PHACTR1: variants seen among roughly 807,000 people sequenced by gnomAD.
PHACTR1 encodes phosphatase and actin regulator 1, also known as RPEL repeat containing 1.
A neutral mutation model predicts 69.2 loss-of-function variants in PHACTR1; 16 were observed. The ratio of observed to expected loss-of-function variants is 0.23; its 90% CI spans 0.16 to 0.35. The LOEUF is 0.35. Ranked by LOEUF, PHACTR1 falls within the 10% of genes least tolerant of loss-of-function variation. The pLI is 1.00. For synonymous variants in PHACTR1, 312 were observed against 284.5 expected, an observed-to-expected ratio of 1.10 and a Z score of -0.97; for missense variants, 510 against 734.7, an observed-to-expected ratio of 0.69 and a Z score of 3.54.
chr6:13,143,156 GGAA>G (rs1459113859), intron 5 of PHACTR1, among the ~76,000 whole-genome samples: 1 of 152,238 alleles, frequency 6.6e-6, no homozygotes, highest in East Asian at 1.9e-4. Context: ...AGAAAGGAAG[GGAA>G]GTGGAGATGG....
chr6:13,080,261 G>T (rs895350448), intron 5 of PHACTR1, among the ~76,000 whole-genome samples: 1 of 152,040 alleles, frequency 6.6e-6, no homozygotes, highest in Admixed American at 6.6e-5. Flanking sequence ...CTTTAAAAAA[G>T]TTATTTCAAG....
intron 4 of PHACTR1, among the ~76,000 whole-genome samples, chr6:12,901,070 G>A (rs545935582): frequency 6.6e-6 from 1 of 152,268 alleles, no homozygotes; most frequent in South Asian, 2.1e-4. Flanking sequence ...GGGATCAGGA[G>A]CCCATTCCAG....
chr6:12,716,988 GA>G (rs1209200011), intron 1 of PHACTR1, 92 bp downstream of exon 1: 1 of 149,194 alleles, frequency 6.7e-6, no homozygotes, highest in Non-Finnish European at 1.5e-5. Flanking sequence ...GGGGAGTGGG[GA>G]TCTCCCACAA....
chr6:12,810,570 G>C (rs1774906637), intron 4 of PHACTR1, among the ~76,000 whole-genome samples: 1 of 152,234 alleles, frequency 6.6e-6, no homozygotes, highest in South Asian at 2.1e-4. Flanking sequence ...TACCTGGGAG[G>C]TCTCAGCAGC....
intron 10 of PHACTR1, among the ~76,000 whole-genome samples, chr6:13,270,129 T>G (rs193275509): frequency 7.0e-4 from 106 of 152,284 alleles, no homozygotes; most frequent in African/African-American, 2.4e-3. Context: ...TTCTCACAAC[T>G]CCCTCTTTGT....
intron 4 of PHACTR1, among the ~76,000 whole-genome samples, chr6:12,943,115 A>C (rs1423335529): frequency 6.6e-6 from 1 of 152,246 alleles, no homozygotes; most frequent in Non-Finnish European, 1.5e-5. Context: ...AGAAACACCC[A>C]CAAATGTTCA....
chr6:13,273,260 T>C, intron 11 of PHACTR1: 1 of 258,424 alleles, frequency 3.9e-6, no homozygotes, highest in South Asian at 8.7e-5. Flanking sequence ...GGCTTGAAAA[T>C]GGAGACTGTG....
chr6:12,970,747 C>G (rs903727560), intron 4 of PHACTR1, among the ~76,000 whole-genome samples: 3 of 152,216 alleles, frequency 2.0e-5, no homozygotes, highest in East Asian at 3.8e-4. Flanking sequence ...CAGAGCAAGA[C>G]TCTGTCTCAA....
chr6:13,205,925 G>A lies in PHACTR1; in HGVS notation c.775G>A (p.Val259Met), dbSNP rs1274400769. 1 of 1,613,930 alleles carries A rather than the reference G, an allele frequency of 6.2e-7. No homozygotes were observed. The highest frequency in any genetic ancestry group is 2.2e-5 in the East Asian group (1 of 44,888). ...CGTGGGGGGGCCAGACCTCTCACTGGTGTCCTACACAGCCCAGAAGAGTGG... is the reference window on the plus strand; with the variant it reads ...CGTGGGGGGGCCAGACCTCTCACTGATGTCCTACACAGCCCAGAAGAGTGG... ...MPVGGPDLSL[V>M]SYTAQKSGQQ... The change falls in exon 8 of 15, where the codon GTG (valine) becomes ATG (methionine). Residue 259 changes from valine (V) to methionine (M), a missense_variant. Physicochemically the swap from Val to Met is conservative, Grantham distance 21. This residue lies in a region of PHACTR1 where 419 missense variants were observed against 530.9 expected (regional missense o/e 0.79). Coordinates refer to ENST00000332995, the MANE Select transcript of PHACTR1 (RefSeq NM_030948.6).
chr6:13,088,555 T>A (rs1812691594), intron 5 of PHACTR1, among the ~76,000 whole-genome samples: 1 of 152,248 alleles, frequency 6.6e-6, no homozygotes. Flanking sequence ...GCATTTTCTT[T>A]TGGCCAGCAT....
At chr6:13,274,203 TTCC>T (rs1455919416) in intron 11 of PHACTR1, 1 of 151,500 alleles carries the variant, frequency 6.6e-6, no homozygotes, top group Non-Finnish European at 1.5e-5. Flanking sequence ...CAGCCGCCAC[TTCC>T]TCAACTCTCA....
chr6:13,107,364 G>C (rs376266959), intron 5 of PHACTR1, among the ~76,000 whole-genome samples: 1 of 152,144 alleles, frequency 6.6e-6, no homozygotes, highest in East Asian at 1.9e-4. Context: ...CTCCCACCTT[G>C]GCCTTCCAAA....
rs891728804 is a variant in PHACTR1, at chr6:13,119,686, G to A, written c.416-40518G>A. On this transcript the variant is annotated intron_variant, in intron 5 of 14. Coordinates refer to ENST00000332995, the MANE Select transcript of PHACTR1 (RefSeq NM_030948.6). ...TGCTCCAGCAGGTCATCCCTGAAGG[G>A]CAGGGCCTGAGAGAGGCTGAGCGGA... Among the ~76,000 whole-genome samples, 6 of 152,330 alleles carry A rather than the reference G, an allele frequency of 3.9e-5. No homozygotes were observed. The East Asian group carries it at 1.2e-3, about 29-fold the overall frequency.
intron 7 of PHACTR1, chr6:13,185,016 A>T: frequency 7.4e-7 from 1 of 1,354,728 alleles, no homozygotes; most frequent in Non-Finnish European, 9.9e-7. Flanking sequence ...GTGAGTGCAG[A>T]CGTCTTCTGG....
intron 5 of PHACTR1, among the ~76,000 whole-genome samples, chr6:13,099,301 G>A (rs1389555220): frequency 6.6e-6 from 1 of 152,164 alleles, no homozygotes; most frequent in Non-Finnish European, 1.5e-5. Context: ...ATGATCTAAC[G>A]TTTGTCACCT....
At chr6:13,157,432 T>C (rs1319144345) in intron 5 of PHACTR1, among the ~76,000 whole-genome samples, 1 of 152,242 alleles carries the variant, frequency 6.6e-6, no homozygotes, top group African/African-American at 2.4e-5. Flanking sequence ...ATCACGGCGA[T>C]GGCTGTCTCT....
At chr6:13,092,555 T>A (rs1366280139) in intron 5 of PHACTR1, among the ~76,000 whole-genome samples, 1 of 152,204 alleles carries the variant, frequency 6.6e-6, no homozygotes, top group Non-Finnish European at 1.5e-5. Context: ...GCACATTACA[T>A]TTTTCGTACA....
chr6:13,181,879 T>TC (rs1035229699), intron 6 of PHACTR1, among the ~76,000 whole-genome samples: 1 of 152,202 alleles, frequency 6.6e-6, no homozygotes, highest in African/African-American at 2.4e-5. Flanking sequence ...CTGAGTTTTT[T>TC]CCCAAGTTTT....
chr6:12,751,774 C>T (rs1324965112), intron 4 of PHACTR1, among the ~76,000 whole-genome samples: 1 of 152,170 alleles, frequency 6.6e-6, no homozygotes, highest in Non-Finnish European at 1.5e-5. Context: ...CTATATGTCC[C>T]TTAAAATATT....
Sources: allele counts gnomAD v4.1 joint callset (sites outside exome capture counted in the v4.1 genomes callset), GRCh38; gene constraint gnomAD v4.1.1; regional missense constraint gnomAD v4.1.1; transcripts MANE v1.5; gene names NCBI Gene and HGNC (gene_info 2026-07-23, HGNC 2026-07-21).